The following DESI1 variants were observed in gnomAD, a reference collection of about 807,000 sequenced individuals.
DESI1 encodes the protein PPPDE peptidase domain containing 2.
In DESI1, 17 loss-of-function variants were observed where a neutral mutation model predicts 22.4. The ratio of observed to expected loss-of-function variants is 0.76; its 90% CI spans 0.52 to 1.14. The LOEUF (loss-of-function observed/expected upper bound fraction) is 1.14, where lower values mean the gene tolerates loss of function less well. Among genes scored for constraint, DESI1 ranks in the 50% most tolerant of loss-of-function variants. The probability of loss-of-function intolerance (pLI) is 0.00; values close to 1 mark genes in which losing one functional copy is unlikely to be tolerated. For synonymous variants in DESI1, 92 were observed against 84.2 expected (o/e 1.09, Z -0.51); for missense variants, 177 against 208.9 (o/e 0.85, Z 0.94).
intron 1 of DESI1, among the ~76,000 whole-genome samples, chr22:41,619,499 C>T (rs1264014552): frequency 1.3e-5 from 2 of 152,156 alleles, no homozygotes; most frequent in African/African-American, 4.8e-5. Context: ...TAATTATTTG[C>T]CTAAGCAAGC....
At chr22:41,605,496 A>C (rs78486032) in intron 3 of DESI1, among the ~76,000 whole-genome samples, 1,682 of 152,308 alleles carry the variant, frequency 0.011, 34 homozygotes, top group African/African-American at 0.039. Context: ...CACCTCCTAC[A>C]TAGCTGACAT....
intron 1 of DESI1, among the ~76,000 whole-genome samples, chr22:41,614,184 T>G (rs2067535618): frequency 6.7e-6 from 1 of 149,244 alleles, no homozygotes; most frequent in Non-Finnish European, 1.5e-5. Flanking sequence ...TTACAGGAGC[T>G]CGCCACCATG....
intron 5 of DESI1, among the ~76,000 whole-genome samples, chr22:41,601,591 G>A (rs985548740): frequency 6.6e-6 from 1 of 151,022 alleles, no homozygotes; most frequent in Non-Finnish European, 1.5e-5. Context: ...AAAGAAGAAG[G>A]ATATGAAAAA....
At chr22:41,615,704 C>CA (rs1457192940) in intron 1 of DESI1, among the ~76,000 whole-genome samples, 1 of 152,206 alleles carries the variant, frequency 6.6e-6, no homozygotes, top group East Asian at 1.9e-4. Flanking sequence ...CCTGCTCCAA[C>CA]AGGCCACTGG....
At chr22:41,601,514 T>C (rs1343742752) in intron 5 of DESI1, among the ~76,000 whole-genome samples, 1 of 152,176 alleles carries the variant, frequency 6.6e-6, no homozygotes, top group Non-Finnish European at 1.5e-5. Flanking sequence ...TTCTGTGCTC[T>C]ATGTGCTTGT....
At chr22:41,611,591 CTTTT>C (rs132764) in intron 1 of DESI1, among the ~76,000 whole-genome samples, 161 of 103,864 alleles carry the variant, frequency 1.6e-3, no homozygotes, top group Non-Finnish European at 1.5e-3. Context: ...CCTGTTCCTT[CTTTT>C]TTTTTTTTTT....
chr22:41,599,487 C>T lies in DESI1; in HGVS notation c.*1610G>A, dbSNP rs2067437841. 6.6e-6 allele frequency: 1 copy of T among 152,184 alleles called. No individual in the cohort carries two copies. Among genetic ancestry groups the T allele is most frequent in the African/African-American group, 2.4e-5 (1 of 41,458 alleles). 9.4% of individuals were successfully genotyped at this position (152,184 alleles called of 1,614,324 possible). ...TGACAATGGAAATAACGTGTGCCTT[C>T]AAAACACATTTAGGATAAGGGAAAG... On this transcript the variant is annotated 3_prime_UTR_variant, in exon 6 of 6. Coordinates refer to ENST00000263256, the MANE Select transcript of DESI1 (RefSeq NM_015704.3).
rs897294723 is a variant in DESI1 at position 41,620,949 on chromosome 22, C to A, written c.-110G>T. ...GCGGAGGGAGAGGGGGGGACCGAGC[C>A]CGGGCCCGGGCTGAGGGGTGGGGGA... On this transcript the variant is annotated 5_prime_UTR_variant, in exon 1 of 6. Coordinates refer to ENST00000263256, the MANE Select transcript of DESI1 (RefSeq NM_015704.3). 7.8e-7 allele frequency: 1 copy of A among 1,276,968 alleles called. No individual in the cohort carries two copies. The highest frequency in any genetic ancestry group is 2.3e-5 in the Admixed American group (1 of 43,602). The allele number at this position is 1,276,968 out of a possible 1,614,324, so 79.1% of individuals were successfully genotyped here. A position where few individuals can be genotyped will look rare whatever the true frequency, so the allele number is the denominator to read the frequency against.
rs562716790 is a variant in DESI1, at chr22:41,616,836, G to A, written c.88+3916C>T. Among the ~76,000 whole-genome samples the A allele has an allele frequency of 5.9e-5, 9 of 152,238 alleles. No individual in the cohort carries two copies. The East Asian group carries it at 1.5e-3, about 26-fold the overall frequency. On this transcript the variant is annotated intron_variant, in intron 1 of 5. Transcript: ENST00000263256. ...TGAAAACAGGACAGGCTAAAACTAC[G>A]GAATTTACATTGCTTCAGGAAAGGG...
intron 1 of DESI1, among the ~76,000 whole-genome samples, chr22:41,617,689 T>C (rs1354851280): frequency 6.6e-6 from 1 of 152,202 alleles, no homozygotes; most frequent in Non-Finnish European, 1.5e-5. Context: ...AAAAAAGAGG[T>C]AGAGAAGACA....
intron 3 of DESI1, among the ~76,000 whole-genome samples, chr22:41,606,582 G>C (rs1439459712): frequency 2.0e-5 from 3 of 151,778 alleles, no homozygotes; most frequent in Non-Finnish European, 4.4e-5. Context: ...GATCAGCCTG[G>C]CCAACATGCT....
chr22:41,604,246 C>A, intron 3 of DESI1, 93 bp from the exon 4 acceptor site: 396 of 471,256 alleles, frequency 8.4e-4, no homozygotes, highest in Non-Finnish European at 1.3e-3. Flanking sequence ...ACACTCTGTT[C>A]TGACTTTTTT....
chr22:41,601,244 C>G, intron 5 of DESI1, 54 bp from the exon 6 acceptor site: 1 of 1,524,238 alleles, frequency 6.6e-7, no homozygotes, highest in Non-Finnish European at 8.8e-7. Flanking sequence ...GGCCTGCTGT[C>G]ACACACCCTG....
Position 41,620,872 on chromosome 22 carries a change from C to T in DESI1, c.-33G>A. 1 of 1,587,842 alleles carries T rather than the reference C, an allele frequency of 6.3e-7. No individual in the cohort carries two copies. On this transcript the variant is annotated 5_prime_UTR_variant, in exon 1 of 6. Transcript: ENST00000263256. ...CGTGGCGACGGCGGCCACGACGGCCCTCGGGCACCCGGCAGCGGCTTGGAC... is the reference window on the plus strand; with the variant it reads ...CGTGGCGACGGCGGCCACGACGGCCTTCGGGCACCCGGCAGCGGCTTGGAC...
At chr22:41,603,490 C>T (rs1372787585) in intron 4 of DESI1, 109 bp from the exon 5 acceptor site, 27 of 1,508,244 alleles carry the variant, frequency 1.8e-5, no homozygotes, top group Non-Finnish European at 2.4e-5. Flanking sequence ...GTGAGGATTG[C>T]GATTTCCCCC....
chr22:41,606,079 A>G (rs2067478256), intron 3 of DESI1, among the ~76,000 whole-genome samples: 1 of 152,170 alleles, frequency 6.6e-6, no homozygotes. Context: ...CTGGGAGGCC[A>G]TGCTGAGTTT....
intron 1 of DESI1, among the ~76,000 whole-genome samples, chr22:41,618,883 T>C (rs932249524): frequency 2.0e-5 from 3 of 152,110 alleles, no homozygotes; most frequent in Non-Finnish European, 4.4e-5. Context: ...GCTAACACAG[T>C]GAAACCCCGT....
intron 5 of DESI1, among the ~76,000 whole-genome samples, chr22:41,601,714 A>G (rs746824670): frequency 6.6e-6 from 1 of 152,130 alleles, no homozygotes; most frequent in Non-Finnish European, 1.5e-5. Context: ...TGCCAGTATT[A>G]ATGCCTTTCT....
chr22:41,609,641 T>A (rs933002946), intron 1 of DESI1, among the ~76,000 whole-genome samples: 1 of 148,814 alleles, frequency 6.7e-6, no homozygotes, highest in Non-Finnish European at 1.5e-5. Context: ...AAAATAAAAA[T>A]AAAAAAACTC....
Sources: allele counts gnomAD v4.1 joint callset (sites outside exome capture counted in the v4.1 genomes callset), GRCh38; gene constraint gnomAD v4.1.1; transcripts MANE v1.5; gene names NCBI Gene and HGNC (gene_info 2026-07-23, HGNC 2026-07-21).